Variants in DGKQ observed in about 807,000 individuals in gnomAD.
DGKQ encodes the protein DAG kinase theta.
Under a neutral mutation model 104.2 loss-of-function variants are expected in DGKQ, and 97 were observed. The observed-to-expected ratio is 0.93, with a 90% CI of 0.79 to 1.10. DGKQ has a LOEUF of 1.10. Among genes scored for constraint, DGKQ ranks in the 50% least tolerant of loss-of-function variants. DGKQ has a pLI of 0.00. For missense variants in DGKQ, 1,465 were observed against 1,352.1 expected (o/e 1.08, Z -1.31); for synonymous variants, 736 against 595.2 (o/e 1.24, Z -3.44).
Position 968,570 on chromosome 4 carries a change from G to A in DGKQ, c.452-6C>T. Reference sequence around the variant, plus strand: ...GTGGAGGTGCAGCTCACACACTGGGGGGCAGGCAGGGTTAGAGGTGTCTGC... The same window carrying A: ...GTGGAGGTGCAGCTCACACACTGGGAGGCAGGCAGGGTTAGAGGTGTCTGC... On this transcript the variant is annotated splice_polypyrimidine_tract_variant and splice_region_variant and intron_variant, in intron 3 of 22. Transcript: ENST00000273814. 3 of 1,603,308 alleles carry A rather than the reference G, an allele frequency of 1.9e-6. No homozygotes were observed. Among genetic ancestry groups the A allele is most frequent in the Non-Finnish European group, 1.7e-6 (2 of 1,175,318 alleles).
At chr4:969,612 C>CTTT (rs35245784) in intron 2 of DGKQ, among the ~76,000 whole-genome samples, 12 of 143,276 alleles carry the variant, frequency 8.4e-5, no homozygotes, top group Non-Finnish European at 9.1e-5. Context: ...AATATATCTC[C>CTTT]TTTTTTTTTT....
rs1317524598 is a variant in DGKQ, at chr4:961,067, G to A, written c.2709C>T (p.Ile903=). 6.2e-7 allele frequency: 1 copy of A among 1,612,328 alleles called. No individual in the cohort carries two copies. The highest frequency in any genetic ancestry group is 1.1e-5 in the South Asian group (1 of 91,088). The change falls in exon 22 of 23, where the codon ATC becomes ATT. Residue 903 remains isoleucine, a synonymous_variant. Transcript: ENST00000273814. ...PWVQAPGHMI[I]SAAGPKVHML... ...CACATACCTTAGGGCCAGCAGCTGA[G>A]ATGATCATGTGCCCCGGGGCCTGGA...
chr4:969,942 C>T (rs1712797484), intron 2 of DGKQ, among the ~76,000 whole-genome samples: 1 of 152,226 alleles, frequency 6.6e-6, no homozygotes, highest in African/African-American at 2.4e-5. Context: ...TCCTATCATG[C>T]ATACAGTTGA....
At chr4:973,136 C>A in intron 1 of DGKQ, 76 bp downstream of exon 1, 2 of 1,370,436 alleles carry the variant, frequency 1.5e-6, no homozygotes, top group South Asian at 3.1e-5. Context: ...AGCGCCGGTG[C>A]CACCTCCGCT....
intron 11 of DGKQ, 61 bp from the exon 12 acceptor site, chr4:966,588 G>A: frequency 1.3e-6 from 2 of 1,566,412 alleles, no homozygotes; most frequent in South Asian, 2.3e-5. Flanking sequence ...GGAAGCAGCT[G>A]CCCGGAGCCC....
At chr4:965,633 A>T in intron 13 of DGKQ, 104 bp from the exon 14 acceptor site, 1 of 1,321,216 alleles carries the variant, frequency 7.6e-7, no homozygotes, top group Non-Finnish European at 1.1e-6. Context: ...CTCACCCCAA[A>T]GGCAGCCTCC....
chr4:972,733 CA>C (rs1173740489), intron 1 of DGKQ, among the ~76,000 whole-genome samples: 1 of 152,236 alleles, frequency 6.6e-6, no homozygotes, highest in Non-Finnish European at 1.5e-5. Flanking sequence ...GGGCTGTCCT[CA>C]CCCCAGCAAG....
intron 15 of DGKQ, among the ~76,000 whole-genome samples, chr4:963,586 C>T (rs1460935120): frequency 6.6e-6 from 1 of 152,244 alleles, no homozygotes; most frequent in Non-Finnish European, 1.5e-5. Context: ...AGACCACACC[C>T]GCCTGGGCCA....
rs1711729892 is a variant in DGKQ at position 959,686 on chromosome 4, GT to G, written c.*933del. The G allele has an allele frequency of 1.3e-5, 2 of 152,194 alleles. No homozygotes were observed. Among genetic ancestry groups the G allele is most frequent in the East Asian group, 3.9e-4 (2 of 5,132 alleles). 9.4% of individuals were successfully genotyped at this position (152,194 alleles called of 1,614,324 possible). On this transcript the variant is annotated 3_prime_UTR_variant, in exon 23 of 23. Coordinates refer to ENST00000273814, the MANE Select transcript of DGKQ (RefSeq NM_001347.4). ...GGCAAGCAGCGTGGAAAGTGCTAGC[GT>G]GGGGTCTGGGGCTGAAAGCCAGCTC...
At chr4:965,703 A>G (rs4690325) in intron 13 of DGKQ, among the ~76,000 whole-genome samples, 174 bp from the exon 14 acceptor site, 124,388 of 152,138 alleles carry the variant, frequency 0.82, 50,961 homozygotes, top group South Asian at 0.93. Flanking sequence ...GAGGTACAGG[A>G]CCCCCCAGAG....
At position 968,264 on chromosome 4, in the gene DGKQ, C is replaced by A; in HGVS notation, c.663+18G>T. On this transcript the variant is annotated intron_variant, in intron 5 of 22. Transcript: ENST00000273814. Reference sequence around the variant, plus strand: ...CTCTCCTGCCCCACCCCCACCCCCTCGACTTCCCAGCGCCCACCTGGACCC... The same window carrying A: ...CTCTCCTGCCCCACCCCCACCCCCTAGACTTCCCAGCGCCCACCTGGACCC... 1 of 1,442,646 alleles carries A rather than the reference C, an allele frequency of 6.9e-7. No homozygotes were observed. The highest frequency in any genetic ancestry group is 9.2e-7 in the Non-Finnish European group (1 of 1,087,146). The allele number at this position is 1,442,646 out of a possible 1,614,324, so 89.4% of individuals were successfully genotyped here.
intron 12 of DGKQ, 119 bp from the exon 13 acceptor site, chr4:966,197 G>C (rs1272791712): frequency 8.8e-7 from 1 of 1,137,936 alleles, no homozygotes; most frequent in South Asian, 1.5e-5. Flanking sequence ...CAGGAATTAA[G>C]TCAACAGGAA....
At position 966,732 on chromosome 4, in the gene DGKQ, C is replaced by T. The variant is rs1188967022; in HGVS notation, c.1366+16G>A. The T allele has an allele frequency of 3.1e-5, 50 of 1,603,232 alleles. No homozygotes were observed. The highest frequency in any genetic ancestry group is 3.9e-5 in the Non-Finnish European group (46 of 1,175,258). ...GGTGCAGGGACCGCCACGCCCAGCA[C>T]GGGCTGTCTACTCACCGTGCCTGCA... On this transcript the variant is annotated intron_variant, in intron 11 of 22. Transcript: ENST00000273814.
In DGKQ at chr4:967,775, C is replaced by A; in HGVS notation, c.839G>T (p.Ser280Ile). 6.2e-7 allele frequency: 1 copy of A among 1,606,988 alleles called. No homozygotes were observed. ...CTCTCTGCCTGGACCCACGGCAGCG[C>A]TCCCGTCGGCGCCGTCGCCCCCCTC... The part of the protein sequence containing the change: ...PGEGGDGADG[S>I]AAVGPGRETQ... The change falls in exon 7 of 23, where the codon AGC becomes ATC. Residue 280 changes from serine (S) to isoleucine (I), a missense_variant. Transcript: ENST00000273814.
In DGKQ at chr4:968,544, G is replaced by A. The variant is rs530639828; in HGVS notation, c.472C>T (p.Pro158Ser). ...CTGCAGGCGAAGGGCACACAGTCTGGGTGGAGGTGCAGCTCACACACTGGG... is the reference window on the plus strand; with the variant it reads ...CTGCAGGCGAAGGGCACACAGTCTGAGTGGAGGTGCAGCTCACACACTGGG... ...HCEVCELHLH[P>S]DCVPFACSDC... Residue 158 changes from proline (P) to serine (S), a missense_variant, in exon 4 of 23, where the codon CCA (proline) becomes TCA (serine). By Grantham distance (74) the Pro-to-Ser change is moderately conservative. Coordinates refer to ENST00000273814, the MANE Select transcript of DGKQ (RefSeq NM_001347.4). 2.7e-5 allele frequency: 44 copies of A among 1,609,224 alleles called. No individual in the cohort carries two copies. In the South Asian group the frequency reaches 4.5e-4, roughly 17 times the overall value.
chr4:961,579 C>G lies in DGKQ; in HGVS notation c.2463-1G>C. ...CCACAGGTCGGCCCCCGAGCCCCAG[C>G]TGCCGCATAAGAGAGCGGGCACAGA... On this transcript the variant is annotated splice_acceptor_variant, in intron 20 of 22. Transcript: ENST00000273814. LOFTEE classifies it high-confidence loss of function. 1 of 1,609,530 alleles carries G rather than the reference C, an allele frequency of 6.2e-7. No homozygotes were observed. Among genetic ancestry groups the G allele is most frequent in the Non-Finnish European group, 8.5e-7 (1 of 1,178,726 alleles).
At chr4:966,647 C>T (rs747375490) in intron 11 of DGKQ, 101 bp downstream of exon 11, 45 of 1,503,722 alleles carry the variant, frequency 3.0e-5, no homozygotes, top group Middle Eastern at 3.7e-4. Context: ...GGGCAGAGCC[C>T]GGCCTTGATG....
At chr4:962,722 G>A (rs758686869) in intron 17 of DGKQ, 50 bp downstream of exon 17, 2 of 1,595,466 alleles carry the variant, frequency 1.3e-6, no homozygotes, top group Non-Finnish European at 1.7e-6. Context: ...AAGCTGCACA[G>A]GAAGGGGTAG....
In DGKQ at chr4:966,985, G is replaced by A; in HGVS notation, c.1290C>T (p.Val430=). The A allele has an allele frequency of 2.6e-6, 4 of 1,566,362 alleles. No homozygotes were observed. The change falls in exon 10 of 23, where the codon GTC becomes GTT. Residue 430 remains valine (V), a synonymous_variant. Coordinates refer to ENST00000273814, the MANE Select transcript of DGKQ (RefSeq NM_001347.4). The stretch of plus-strand genomic sequence containing the variant: ...GCACCTGGCGGCCGAGCAGCGGCAG[G>A]ACCTCCAGCACCACAGAGCGGGCCG... ...KSTARSVVLE[V]LPLLGRQAES... is the part of the protein sequence containing the mutation.
Sources: gnomAD v4.1 joint callset for allele counts (sites outside exome capture counted in the v4.1 genomes callset) on GRCh38, gnomAD v4.1.1 for gene constraint, MANE v1.5 for transcripts, NCBI Gene and HGNC (gene_info 2026-07-23, HGNC 2026-07-21) for gene names.